The following SLC9A3 variants were observed in gnomAD, a reference collection of about 807,000 sequenced individuals.
SLC9A3 encodes the protein sodium/hydrogen exchanger 3.
SLC9A3 carries 37 observed loss-of-function variants against 86.8 expected under a neutral mutation model. The observed-to-expected ratio is 0.43, with a 90% CI of 0.33 to 0.56. The LOEUF (loss-of-function observed/expected upper bound fraction) is 0.56, where lower values mean the gene tolerates loss of function less well. Among genes scored for constraint, SLC9A3 ranks in the 20% least tolerant of loss-of-function variants. The pLI is 0.06. For missense variants in SLC9A3, 1,011 were observed against 1,171.9 expected, an observed-to-expected ratio of 0.86 and a Z score of 2.00; for synonymous variants, 581 against 528.3, an observed-to-expected ratio of 1.10 and a Z score of -1.37.
chr5:480,074 T>A, intron 9 of SLC9A3, 109 bp from the exon 10 acceptor site: 2 of 1,255,856 alleles, frequency 1.6e-6, no homozygotes, highest in Non-Finnish European at 2.2e-6. Flanking sequence ...ATAGTGACCC[T>A]GTAGGCGCGT....
Position 476,876 on chromosome 5 carries a change from C to T in SLC9A3, c.1761-204G>A, listed in dbSNP as rs369215964. 2.6e-4 allele frequency among the ~76,000 whole-genome samples: 40 copies of T among 152,316 alleles called. No homozygotes were observed. In the East Asian group the frequency reaches 6.0e-3, roughly 23 times the overall value. ...CCTCGGGGCTTAGGCTGACTCCCCA[C>T]GAGGCCTTCCTGGCCTCCTGTCTGA... On this transcript the variant is annotated intron_variant, in intron 11 of 16. Transcript: ENST00000264938.
chr5:509,552 G>A (rs1410997946), intron 1 of SLC9A3, among the ~76,000 whole-genome samples: 1 of 152,066 alleles, frequency 6.6e-6, no homozygotes, highest in Non-Finnish European at 1.5e-5. Context: ...AGAGTAGGCT[G>A]GTCCCATGTG....
chr5:519,918 A>G lies in SLC9A3; in HGVS notation c.211+4194T>C, dbSNP rs375044242. Among the ~76,000 whole-genome samples, 4 of 152,142 alleles carry G rather than the reference A, an allele frequency of 2.6e-5. No homozygotes were observed. The East Asian group carries it at 7.7e-4, about 29-fold the overall frequency. On this transcript the variant is annotated intron_variant, in intron 1 of 16. Transcript: ENST00000264938. Reference sequence around the variant, plus strand: ...CTCCTGACCCTCCTACGGCTGCGCGAGGCACTGCAGACTCCAGATACCCGT... The same window carrying G: ...CTCCTGACCCTCCTACGGCTGCGCGGGGCACTGCAGACTCCAGATACCCGT...
chr5:503,867 G>A (rs956516963), intron 1 of SLC9A3, among the ~76,000 whole-genome samples: 24 of 152,196 alleles, frequency 1.6e-4, no homozygotes, highest in African/African-American at 5.8e-4. Context: ...CTCCTGAATC[G>A]GCGAATCGTC....
intron 6 of SLC9A3, among the ~76,000 whole-genome samples, 191 bp from the exon 7 acceptor site, chr5:482,941 C>A (rs190626986): frequency 6.6e-6 from 1 of 151,454 alleles, no homozygotes; most frequent in African/African-American, 2.4e-5. Flanking sequence ...GCGTCTCCCC[C>A]CCACGCTCCG....
Position 473,179 on chromosome 5 carries a change from C to G in SLC9A3, c.*200G>C, listed in dbSNP as rs1447991010. The G allele has an allele frequency of 2.0e-6, 1 of 492,764 alleles. No individual in the cohort carries two copies. The highest frequency in any genetic ancestry group is 3.1e-6 in the Non-Finnish European group (1 of 324,772). 30.5% of individuals were successfully genotyped at this position (492,764 alleles called of 1,614,324 possible). On this transcript the variant is annotated 3_prime_UTR_variant, in exon 17 of 17. Coordinates refer to ENST00000264938, the MANE Select transcript of SLC9A3 (RefSeq NM_004174.4). ...CCCGGCGCAGGCCCCGCCCCCGGCT[C>G]GCCCTCGGGCGGCTCTGCGGGCGCA...
At position 474,967 on chromosome 5, in the gene SLC9A3, A is replaced by T; in HGVS notation, c.2417T>A (p.Leu806His). 1 of 1,610,572 alleles carries T rather than the reference A, an allele frequency of 6.2e-7. No homozygotes were observed. Among genetic ancestry groups the T allele is most frequent in the Non-Finnish European group, 8.5e-7 (1 of 1,179,012 alleles). ...GTFCRLMPFR[L>H]SSKSVDSFLQ... ...GAAGGAGTCCACGGACTTGCTGCTGAGGCGGAAGGGCATCAGGCGGCAGAA... is the reference window on the plus strand; with the variant it reads ...GAAGGAGTCCACGGACTTGCTGCTGTGGCGGAAGGGCATCAGGCGGCAGAA... Residue 806 changes from leucine (L) to histidine (H), a missense_variant, in exon 16 of 17, where the codon CTC (leucine) becomes CAC (histidine). Physicochemically the swap from Leu to His is moderately conservative, Grantham distance 99 (BLOSUM62 -3). Transcript: ENST00000264938.
At chr5:480,302 A>G (rs1482278160) in intron 9 of SLC9A3, 1 of 254,718 alleles carries the variant, frequency 3.9e-6, no homozygotes. Context: ...AGGGGCGGAC[A>G]GACACCCTGA....
At chr5:510,298 G>A (rs948738132) in intron 1 of SLC9A3, among the ~76,000 whole-genome samples, 6 of 152,212 alleles carry the variant, frequency 3.9e-5, no homozygotes, top group East Asian at 1.9e-4. Flanking sequence ...TAAGGTGTTC[G>A]TGTGGGACGG....
intron 1 of SLC9A3, among the ~76,000 whole-genome samples, 158 bp downstream of exon 1, chr5:523,954 G>C (rs1260667533): frequency 6.6e-6 from 1 of 152,072 alleles, no homozygotes; most frequent in African/African-American, 2.4e-5. Flanking sequence ...GGCCAGAGTC[G>C]CTCCCGAGTC....
Position 524,145 on chromosome 5 carries a change from G to A in SLC9A3, c.178C>T (p.Leu60Phe). 2 of 1,539,656 alleles carry A rather than the reference G, an allele frequency of 1.3e-6. No homozygotes were observed. Among genetic ancestry groups the A allele is most frequent in the Non-Finnish European group, 1.7e-6 (2 of 1,145,214 alleles). The change falls in exon 1 of 17, where the codon CTC (leucine) becomes TTC (phenylalanine). Residue 60 changes from leucine (L) to phenylalanine (F), a missense_variant. Coordinates refer to ENST00000264938, the MANE Select transcript of SLC9A3 (RefSeq NM_004174.4). ...AHVQDPYVIA[L>F]WILVASLAKI... ...GCCAAGCTGGCCACGAGGATCCAGA[G>A]CGCGATGACGTAGGGATCCTGCACG... is the stretch of plus-strand genomic sequence containing the variant.
chr5:490,340 G>A (rs1446358616), intron 2 of SLC9A3, among the ~76,000 whole-genome samples: 9 of 129,772 alleles, frequency 6.9e-5, no homozygotes, highest in African/African-American at 1.2e-4. Flanking sequence ...GCAGCGTGGC[G>A]AGGGGCAGGG....
At chr5:473,688 C>A (rs556637467) in intron 16 of SLC9A3, among the ~76,000 whole-genome samples, 3 of 152,180 alleles carry the variant, frequency 2.0e-5, no homozygotes, top group African/African-American at 7.2e-5. Flanking sequence ...TCAAGGTCCC[C>A]AAGGGGACCT....
intron 1 of SLC9A3, among the ~76,000 whole-genome samples, chr5:523,855 AGGGACCC>A (rs965656429): frequency 3.3e-5 from 5 of 152,136 alleles, no homozygotes; most frequent in Non-Finnish European, 7.4e-5. Flanking sequence ...GAGACCCCAC[AGGGACCC>A]GGGAGCCGGG....
In SLC9A3 at chr5:476,208, C is replaced by G; in HGVS notation, c.2061G>C (p.Gln687His). The part of the protein sequence containing the change: ...AAKLYKRERA[Q>H]KRRNSSIPNG... ...CCTGGTGACCCAGCCTTACCCGCTT[C>G]TGGGCACGCTCCCGCTTGTACAGCT... Residue 687 changes from glutamine to histidine, a missense_variant, in exon 13 of 17, where the codon CAG (glutamine) becomes CAC (histidine). Physicochemically the swap from Gln to His is conservative, Grantham distance 24. This residue lies in a region of SLC9A3 where 397 missense variants were observed against 346.3 expected (regional missense o/e 1.15). Transcript: ENST00000264938. 4 of 1,613,788 alleles carry G rather than the reference C, an allele frequency of 2.5e-6. No homozygotes were observed. Among genetic ancestry groups the G allele is most frequent in the South Asian group, 1.1e-5 (1 of 91,080 alleles).
intron 11 of SLC9A3, 97 bp from the exon 12 acceptor site, chr5:476,769 C>T (rs1376213604): frequency 6.8e-7 from 1 of 1,466,580 alleles, no homozygotes; most frequent in Admixed American, 1.8e-5. Context: ...GCCCTGGCTG[C>T]CTCCTGCGTG....
intron 2 of SLC9A3, among the ~76,000 whole-genome samples, chr5:488,839 G>A (rs553181756): frequency 2.0e-5 from 3 of 152,354 alleles, no homozygotes; most frequent in Non-Finnish European, 4.4e-5. Context: ...AGCAAGTGGG[G>A]CTGACCCAGG....
rs1579756955 is a variant in SLC9A3 at position 473,312 on chromosome 5, G to C, written c.*67C>G. Reference sequence around the variant, plus strand: ...GGATCTGGGGTTTCTCTGGGACAGCGGCGGCGGCGGTGGGCGGACCGTGGC... The same window carrying C: ...GGATCTGGGGTTTCTCTGGGACAGCCGCGGCGGCGGTGGGCGGACCGTGGC... On this transcript the variant is annotated 3_prime_UTR_variant, in exon 17 of 17. Transcript: ENST00000264938. 25 of 1,326,466 alleles carry C rather than the reference G, an allele frequency of 1.9e-5. No individual in the cohort carries two copies. The East Asian group carries it at 7.5e-4, about 40-fold the overall frequency. 82.2% of individuals were successfully genotyped at this position (1,326,466 alleles called of 1,614,324 possible). A position where few individuals can be genotyped will look rare whatever the true frequency, so the allele number is the denominator to read the frequency against.
At chr5:502,781 C>T (rs1268484592) in intron 1 of SLC9A3, among the ~76,000 whole-genome samples, 1 of 144,114 alleles carries the variant, frequency 6.9e-6, no homozygotes, top group East Asian at 1.9e-4. Context: ...TTCATAACCA[C>T]TCACTACCAG....
Sources: allele counts gnomAD v4.1 joint callset (sites outside exome capture counted in the v4.1 genomes callset), GRCh38; gene constraint gnomAD v4.1.1; regional missense constraint gnomAD v4.1.1; transcripts MANE v1.5; gene names NCBI Gene and HGNC (gene_info 2026-07-23, HGNC 2026-07-21).